TENM4: variants seen among roughly 807,000 people sequenced by gnomAD.
The protein encoded by TENM4 is teneurin transmembrane protein 4.
TENM4 carries 82 observed loss-of-function variants against 243.3 expected under a neutral mutation model. The ratio of observed to expected loss-of-function variants is 0.34; its 90% CI spans 0.28 to 0.40. TENM4 has a LOEUF of 0.40. TENM4 is among the 10% of genes least tolerant of loss of function. TENM4 has a pLI of 1.00. For synonymous variants in TENM4, 1,412 were observed against 1,456.3 expected, an observed-to-expected ratio of 0.97 and a Z score of 0.69; for missense variants, 3,138 against 3,673.3, an observed-to-expected ratio of 0.85 and a Z score of 3.77.
chr11:78,716,659 G>A (rs1859527476), intron 25 of TENM4, among the ~76,000 whole-genome samples: 1 of 152,226 alleles, frequency 6.6e-6, no homozygotes, highest in Non-Finnish European at 1.5e-5. Context: ...AATGATTGAA[G>A]GGTGTGGGCA....
intron 5 of TENM4, 72 bp downstream of exon 5, chr11:79,069,650 C>G (rs1236139283): frequency 1.4e-6 from 2 of 1,476,322 alleles, no homozygotes; most frequent in Non-Finnish European, 1.8e-6. Context: ...TGCGCCACGC[C>G]CACCCGAGCC....
chr11:79,063,499 G>A (rs1860153378), intron 6 of TENM4, among the ~76,000 whole-genome samples: 1 of 152,130 alleles, frequency 6.6e-6, no homozygotes, highest in African/African-American at 2.4e-5. Flanking sequence ...GGGCTTCCCA[G>A]AAACAGCCCT....
intron 18 of TENM4, among the ~76,000 whole-genome samples, chr11:78,765,549 A>T (rs1307528251): frequency 6.6e-6 from 1 of 152,244 alleles, no homozygotes; most frequent in East Asian, 1.9e-4. Flanking sequence ...AAAAGAGATT[A>T]TCATACCTTG....
chr11:79,376,589 G>C (rs1857895713), intron 1 of TENM4, among the ~76,000 whole-genome samples: 1 of 152,074 alleles, frequency 6.6e-6, no homozygotes, highest in South Asian at 2.1e-4. Context: ...AGCTCCCGAG[G>C]GCTAGGTACA....
chr11:78,687,474 C>G (rs1353712702), intron 29 of TENM4, among the ~76,000 whole-genome samples: 1 of 152,174 alleles, frequency 6.6e-6, no homozygotes, highest in East Asian at 1.9e-4. Context: ...AAGCTGCAAG[C>G]CCACCTGGGT....
At chr11:78,864,972 A>G (rs1858931691) in intron 9 of TENM4, among the ~76,000 whole-genome samples, 1 of 152,196 alleles carries the variant, frequency 6.6e-6, no homozygotes, top group Non-Finnish European at 1.5e-5. Context: ...ACAGGGAAGG[A>G]TCTTCAGAGA....
chr11:78,926,863 T>C (rs1213112303), intron 6 of TENM4, among the ~76,000 whole-genome samples: 1 of 152,192 alleles, frequency 6.6e-6, no homozygotes, highest in Non-Finnish European at 1.5e-5. Context: ...ATCAGTGACA[T>C]GGGCTTTTGA....
chr11:79,059,461 AAATT>A (rs1860032376), intron 6 of TENM4, among the ~76,000 whole-genome samples: 1 of 152,210 alleles, frequency 6.6e-6, no homozygotes, highest in Admixed American at 6.5e-5. Flanking sequence ...GCTTCTTAAA[AAATT>A]AATATTAATA....
intron 6 of TENM4, among the ~76,000 whole-genome samples, chr11:78,980,816 T>C (rs936660697): frequency 2.6e-5 from 4 of 152,204 alleles, no homozygotes; most frequent in Non-Finnish European, 5.9e-5. Context: ...GTGTTTGCTG[T>C]CATTGATTTG....
intron 1 of TENM4, among the ~76,000 whole-genome samples, chr11:79,339,681 T>G: frequency 6.7e-6 from 1 of 148,522 alleles, no homozygotes; most frequent in African/African-American, 2.5e-5. Flanking sequence ...AGGGCAAGAG[T>G]CACAGGGAGA....
At chr11:79,398,635 T>C (rs138959341) in intron 1 of TENM4, among the ~76,000 whole-genome samples, 119 of 149,134 alleles carry the variant, frequency 8.0e-4, no homozygotes, top group African/African-American at 2.6e-3. Context: ...ATGGACCCAA[T>C]AGAACTTAAC....
intron 1 of TENM4, among the ~76,000 whole-genome samples, chr11:79,313,583 A>C (rs1326593379): frequency 6.6e-6 from 1 of 152,120 alleles, no homozygotes; most frequent in African/African-American, 2.4e-5. Context: ...GACTCCTAAC[A>C]AATTTCCTTT....
chr11:79,277,930 C>G (rs1209063866), intron 2 of TENM4, among the ~76,000 whole-genome samples: 1 of 152,104 alleles, frequency 6.6e-6, no homozygotes. Context: ...ATGTACTGAC[C>G]AGAAGGCCCC....
chr11:78,828,698 A>C (rs570537788), intron 12 of TENM4, among the ~76,000 whole-genome samples: 1 of 152,268 alleles, frequency 6.6e-6, no homozygotes, highest in Non-Finnish European at 1.5e-5. Context: ...AATATTTTAT[A>C]GCTGCTCTAG....
At chr11:79,016,384 T>C (rs1023173691) in intron 6 of TENM4, among the ~76,000 whole-genome samples, 1 of 152,150 alleles carries the variant, frequency 6.6e-6, no homozygotes, top group African/African-American at 2.4e-5. Context: ...GAATCAAAGA[T>C]GACACTAGTT....
At chr11:78,751,256 G>A (rs1401564945) in intron 19 of TENM4, among the ~76,000 whole-genome samples, 1 of 152,094 alleles carries the variant, frequency 6.6e-6, no homozygotes, top group African/African-American at 2.4e-5. Flanking sequence ...CTGACCCTCT[G>A]TATAGGATAC....
chr11:78,949,124 C>T (rs1857065653), intron 6 of TENM4, among the ~76,000 whole-genome samples: 1 of 152,150 alleles, frequency 6.6e-6, no homozygotes, highest in Non-Finnish European at 1.5e-5. Context: ...CTGCCTCTGC[C>T]AGCTCCCCTC....
At chr11:78,836,138 A>T (rs770854751) in intron 12 of TENM4, among the ~76,000 whole-genome samples, 28 of 152,128 alleles carry the variant, frequency 1.8e-4, no homozygotes, top group Non-Finnish European at 3.8e-4. Context: ...TGGATGGGTC[A>T]CCTGAGGTCA....
chr11:78,862,354 AG>A (rs1858843884), intron 10 of TENM4, among the ~76,000 whole-genome samples: 1 of 152,150 alleles, frequency 6.6e-6, no homozygotes, highest in Admixed American at 6.6e-5. Flanking sequence ...ATTATCTTAC[AG>A]GATCTCTGTG....
Sources: allele counts gnomAD v4.1 joint callset (sites outside exome capture counted in the v4.1 genomes callset), GRCh38; gene constraint gnomAD v4.1.1; transcripts MANE v1.5; gene names NCBI Gene and HGNC (gene_info 2026-07-23, HGNC 2026-07-21).